The following FCHSD2 variants were observed in gnomAD, a reference collection of about 807,000 sequenced individuals.
FCHSD2 encodes F-BAR and double SH3 domains protein 2.
FCHSD2 carries 38 observed loss-of-function variants against 108.1 expected under a neutral mutation model. The ratio of observed to expected loss-of-function variants is 0.35; its 90% CI spans 0.27 to 0.46. FCHSD2 has a LOEUF of 0.46. Ranked by LOEUF, FCHSD2 falls within the 20% of genes least tolerant of loss-of-function variation. FCHSD2 has a pLI of 1.00. For missense variants in FCHSD2, 751 were observed against 897.8 expected (o/e 0.84, Z 2.09); for synonymous variants, 279 against 314.7 (o/e 0.89, Z 1.20).
intron 4 of FCHSD2, among the ~76,000 whole-genome samples, chr11:73,013,711 T>C (rs1341277840): frequency 6.6e-6 from 1 of 152,222 alleles, no homozygotes; most frequent in African/African-American, 2.4e-5. Context: ...AGTAAATATT[T>C]TGTATATCTT....
rs148555291 is a variant in FCHSD2, at chr11:73,137,840, C to G, written c.119+2191G>C. Among the ~76,000 whole-genome samples, 420 of 152,294 alleles carry G rather than the reference C, an allele frequency of 2.8e-3. 2 individuals are homozygous for G. Among genetic ancestry groups the G allele is most frequent in the Non-Finnish European group, 4.7e-3 (317 of 68,022 alleles). ...AGAGGAAGGATGCATGGGCATGAAA[C>G]GGTAGTAACTAAGCCAGGAAAGGAA... is the stretch of plus-strand genomic sequence containing the variant. On this transcript the variant is annotated intron_variant, in intron 2 of 19. Coordinates refer to ENST00000409418, the MANE Select transcript of FCHSD2 (RefSeq NM_014824.3).
intron 2 of FCHSD2, among the ~76,000 whole-genome samples, chr11:73,131,862 T>C (rs1048714686): frequency 6.6e-6 from 1 of 152,208 alleles, no homozygotes; most frequent in African/African-American, 2.4e-5. Flanking sequence ...TTTAAACTTA[T>C]TTAGTCAGAG....
chr11:72,841,689 G>T, intron 17 of FCHSD2, 106 bp from the exon 18 acceptor site: 1 of 1,231,036 alleles, frequency 8.1e-7, no homozygotes, highest in Non-Finnish European at 1.1e-6. Flanking sequence ...AAGCTAAGCT[G>T]ATTGTTGAAA....
intron 12 of FCHSD2, among the ~76,000 whole-genome samples, chr11:72,870,004 A>AC (rs1355100535): frequency 2.7e-5 from 4 of 150,444 alleles, no homozygotes; most frequent in Non-Finnish European, 5.9e-5. Context: ...TTCTTTCCAC[A>AC]CCCCCCTATG....
intron 8 of FCHSD2, among the ~76,000 whole-genome samples, chr11:72,925,043 C>T (rs1239663227): frequency 1.3e-5 from 2 of 151,894 alleles, no homozygotes; most frequent in Non-Finnish European, 2.9e-5. Context: ...AATGGTAATA[C>T]AGGCATCATG....
At chr11:72,961,826 T>C (rs1856823718) in intron 8 of FCHSD2, among the ~76,000 whole-genome samples, 1 of 152,216 alleles carries the variant, frequency 6.6e-6, no homozygotes, top group South Asian at 2.1e-4. Flanking sequence ...AAGGTGAGTC[T>C]AGTGGTATGT....
intron 19 of FCHSD2, among the ~76,000 whole-genome samples, chr11:72,839,936 C>T (rs902927115): frequency 1.3e-5 from 2 of 152,130 alleles, no homozygotes; most frequent in Non-Finnish European, 2.9e-5. Flanking sequence ...AGACAGGTGG[C>T]GGCAAGGCTG....
intron 10 of FCHSD2, among the ~76,000 whole-genome samples, chr11:72,899,951 A>G (rs1855494114): frequency 6.6e-6 from 1 of 152,140 alleles, no homozygotes; most frequent in Non-Finnish European, 1.5e-5. Context: ...ATGACTCTGG[A>G]CAAGTCTCCC....
chr11:73,028,859 C>T, intron 3 of FCHSD2, among the ~76,000 whole-genome samples: 1 of 152,148 alleles, frequency 6.6e-6, no homozygotes, highest in Middle Eastern at 3.2e-3. Flanking sequence ...GTCTCTCCTG[C>T]CACCATGTAA....
Position 73,127,406 on chromosome 11 carries a change from G to A in FCHSD2, c.119+12625C>T, listed in dbSNP as rs577450556. 2.0e-5 allele frequency among the ~76,000 whole-genome samples: 3 copies of A among 152,314 alleles called. No individual in the cohort carries two copies. The East Asian group carries it at 5.8e-4, about 29-fold the overall frequency. The stretch of plus-strand genomic sequence containing the variant: ...CCATAAATTACTCCCGATCAACACT[G>A]ACAGAACATCTGCAGCAGTGGGACA... On this transcript the variant is annotated intron_variant, in intron 2 of 19. Coordinates refer to ENST00000409418, the MANE Select transcript of FCHSD2 (RefSeq NM_014824.3).
chr11:72,935,958 T>TTA (rs1363427344), intron 8 of FCHSD2, among the ~76,000 whole-genome samples: 1 of 152,258 alleles, frequency 6.6e-6, no homozygotes, highest in African/African-American at 2.4e-5. Flanking sequence ...GCTGTACTAC[T>TTA]TATGCTCACC....
At chr11:73,123,631 T>C (rs935479838) in intron 2 of FCHSD2, among the ~76,000 whole-genome samples, 21 of 152,204 alleles carry the variant, frequency 1.4e-4, no homozygotes, top group African/African-American at 5.1e-4. Flanking sequence ...GTCATCACAC[T>C]ATAATGGCAA....
At chr11:72,987,411 AG>A in intron 6 of FCHSD2, among the ~76,000 whole-genome samples, 1 of 152,330 alleles carries the variant, frequency 6.6e-6, no homozygotes, top group African/African-American at 2.4e-5. Flanking sequence ...AAGTGACTTT[AG>A]GCACTTGATT....
chr11:72,996,105 C>G (rs1857515080), intron 5 of FCHSD2, among the ~76,000 whole-genome samples: 1 of 152,062 alleles, frequency 6.6e-6, no homozygotes, highest in African/African-American at 2.4e-5. Context: ...AAGTAGTCTA[C>G]TATGGTGAAG....
rs1172050567 is a variant in FCHSD2, at chr11:72,988,982, T to C, written c.503A>G (p.Lys168Arg). ...TEQMAHAVRE[K>R]ADIEAKSKLS... is the part of the protein sequence containing the mutation. Reference sequence around the variant, plus strand: ...CACATACTTTGCCTCGATGTCAGCTTTCTCTCGTACTGCATGAGCCATCTG... The same window carrying C: ...CACATACTTTGCCTCGATGTCAGCTCTCTCTCGTACTGCATGAGCCATCTG... Residue 168 changes from lysine (K) to arginine (R), a missense_variant, in exon 6 of 20, where the codon AAA (lysine) becomes AGA (arginine). Physicochemically the swap from Lys to Arg is conservative, Grantham distance 26. Transcript: ENST00000409418. 2 of 1,605,898 alleles carry C rather than the reference T, an allele frequency of 1.2e-6. No individual in the cohort carries two copies. The highest frequency in any genetic ancestry group is 4.5e-5 in the East Asian group (2 of 44,844).
intron 3 of FCHSD2, among the ~76,000 whole-genome samples, chr11:73,035,783 C>T (rs574930318): frequency 2.0e-4 from 30 of 151,692 alleles, no homozygotes; most frequent in Admixed American, 1.8e-3. Context: ...TACAGTGGCG[C>T]GATCTTGGCT....
chr11:73,089,626 A>G (rs1859905908), intron 2 of FCHSD2, among the ~76,000 whole-genome samples: 1 of 152,254 alleles, frequency 6.6e-6, no homozygotes, highest in African/African-American at 2.4e-5. Flanking sequence ...GTACTGATAC[A>G]TGCTACAATA....
chr11:73,110,465 T>G (rs997371237), intron 2 of FCHSD2, among the ~76,000 whole-genome samples: 4 of 152,182 alleles, frequency 2.6e-5, no homozygotes, highest in Admixed American at 2.0e-4. Context: ...GATTTTTCAA[T>G]TTATTGGTAT....
At chr11:73,011,465 C>T (rs1565367142) in intron 4 of FCHSD2, among the ~76,000 whole-genome samples, 1 of 152,200 alleles carries the variant, frequency 6.6e-6, no homozygotes, top group Admixed American at 6.5e-5. Context: ...AGTGTTAACC[C>T]ACAGCTTGGC....
Sources: allele counts gnomAD v4.1 joint callset (sites outside exome capture counted in the v4.1 genomes callset), GRCh38; gene constraint gnomAD v4.1.1; transcripts MANE v1.5; gene names NCBI Gene and HGNC (gene_info 2026-07-23, HGNC 2026-07-21).